The following INPP4B variants were observed in gnomAD, a reference collection of about 807,000 sequenced individuals.
INPP4B encodes the protein inositol polyphosphate 4-phosphatase type II.
In INPP4B, 55 loss-of-function variants were observed where a neutral mutation model predicts 122.5. The observed-to-expected ratio is 0.45, with a 90% confidence interval of 0.36 to 0.56. The LOEUF (loss-of-function observed/expected upper bound fraction) is 0.56. Ranked by LOEUF, INPP4B falls within the 20% of genes least tolerant of loss-of-function variation. The pLI is 0.00. For missense variants in INPP4B, 1,000 were observed against 1,097.7 expected (o/e 0.91, Z 1.26); for synonymous variants, 403 against 388.7 (o/e 1.04, Z -0.43).
In INPP4B at chr4:142,493,562, T is replaced by C. The variant is rs144391423; in HGVS notation, c.-190-30836A>G. Among the ~76,000 whole-genome samples the C allele has an allele frequency of 2.4e-3, 373 of 152,292 alleles. 1 individual carries two copies. The highest frequency in any genetic ancestry group is 5.6e-3 in the South Asian group (27 of 4,828). The stretch of plus-strand genomic sequence containing the variant: ...ATCAAAGGAGATCATTTTGGAACTT[T>C]AAAGTTTAATGACTACCCTATTGGA... On this transcript the variant is annotated intron_variant, in intron 2 of 25. Coordinates refer to ENST00000262992, the MANE Select transcript of INPP4B (RefSeq NM_001101669.3).
intron 2 of INPP4B, among the ~76,000 whole-genome samples, chr4:142,648,075 C>A (rs1415206628): frequency 6.6e-6 from 1 of 152,236 alleles, no homozygotes; most frequent in African/African-American, 2.4e-5. Context: ...GAACTCACTG[C>A]TTCTCTTCAC....
At chr4:142,419,958 G>A (rs1355063359) in intron 5 of INPP4B, among the ~76,000 whole-genome samples, 1 of 151,996 alleles carries the variant, frequency 6.6e-6, no homozygotes, top group Non-Finnish European at 1.5e-5. Flanking sequence ...TTACCCCTAA[G>A]TAGCAACAGA....
At chr4:142,709,568 C>G (rs1009490892) in intron 2 of INPP4B, among the ~76,000 whole-genome samples, 1 of 152,026 alleles carries the variant, frequency 6.6e-6, no homozygotes, top group Non-Finnish European at 1.5e-5. Context: ...CTATGTAGCA[C>G]CTCCCCTTCA....
At chr4:142,234,302 T>C (rs751828144) in intron 12 of INPP4B, among the ~76,000 whole-genome samples, 2 of 152,202 alleles carry the variant, frequency 1.3e-5, no homozygotes, top group African/African-American at 2.4e-5. Context: ...ATTACAGACA[T>C]GATTTCTTAG....
At position 142,355,346 on chromosome 4, in the gene INPP4B, G is replaced by A. The variant is rs184099770; in HGVS notation, c.373-40584C>T. 2.0e-4 allele frequency among the ~76,000 whole-genome samples: 31 copies of A among 152,088 alleles called. No individual in the cohort carries two copies. In the East Asian group the frequency reaches 5.8e-3, roughly 29 times the overall value. On this transcript the variant is annotated intron_variant, in intron 7 of 25. Transcript: ENST00000262992. ...ACAGAGAGAAATCAGGAAGTTGAAT[G>A]AGATGCAGATTTGCTCTTTTTTTTC...
intron 2 of INPP4B, among the ~76,000 whole-genome samples, chr4:142,526,302 A>C (rs1459154579): frequency 1.3e-5 from 2 of 152,104 alleles, no homozygotes; most frequent in Non-Finnish European, 1.5e-5. Context: ...CAAAGAGTAG[A>C]GCAGTAGCCA....
intron 15 of INPP4B, among the ~76,000 whole-genome samples, chr4:142,188,518 A>AAAATATATAT (rs1834267141): frequency 9.5e-6 from 1 of 105,096 alleles, no homozygotes; most frequent in Non-Finnish European, 1.9e-5. Context: ...AAAGAAAAAA[A>AAAATATATAT]ATATATATAG....
intron 5 of INPP4B, among the ~76,000 whole-genome samples, chr4:142,420,761 T>A (rs936812949): frequency 1.3e-5 from 2 of 152,106 alleles, no homozygotes; most frequent in Non-Finnish European, 2.9e-5. Context: ...GAGGCAACTG[T>A]TGAGCCTGTA....
chr4:142,174,496 T>C (rs987614225), intron 15 of INPP4B, among the ~76,000 whole-genome samples: 12 of 152,140 alleles, frequency 7.9e-5, no homozygotes, highest in Non-Finnish European at 1.6e-4. Flanking sequence ...ACAAATTTAT[T>C]GGACAGAAAA....
At chr4:142,798,799 T>C (rs1392062475) in intron 1 of INPP4B, among the ~76,000 whole-genome samples, 1 of 151,698 alleles carries the variant, frequency 6.6e-6, no homozygotes, top group Non-Finnish European at 1.5e-5. Context: ...ATTTAAAGTA[T>C]ATATAAGTAC....
chr4:142,355,475 C>A (rs1040841200), intron 7 of INPP4B, among the ~76,000 whole-genome samples: 19 of 151,982 alleles, frequency 1.3e-4, no homozygotes, highest in Non-Finnish European at 1.2e-4. Context: ...CAAACCCATG[C>A]CAATGCTATG....
chr4:142,750,042 A>G (rs1265697033), intron 1 of INPP4B, among the ~76,000 whole-genome samples: 1 of 152,038 alleles, frequency 6.6e-6, no homozygotes, highest in East Asian at 1.9e-4. Flanking sequence ...TTTAATATAA[A>G]AAAAGTATTT....
intron 1 of INPP4B, among the ~76,000 whole-genome samples, chr4:142,834,305 T>C (rs1432127742): frequency 6.6e-6 from 1 of 152,204 alleles, no homozygotes. Flanking sequence ...TTATTATTCG[T>C]AGGATGTTCA....
chr4:142,444,359 G>C (rs902225330), intron 3 of INPP4B, among the ~76,000 whole-genome samples: 1 of 152,028 alleles, frequency 6.6e-6, no homozygotes, highest in East Asian at 1.9e-4. Flanking sequence ...GATATGAACA[G>C]AGACTTCTCA....
chr4:142,655,967 C>A (rs1043601096), intron 2 of INPP4B, among the ~76,000 whole-genome samples: 4 of 152,136 alleles, frequency 2.6e-5, no homozygotes, highest in African/African-American at 7.2e-5. Flanking sequence ...TTCTGAAATA[C>A]AACATACAGG....
intron 15 of INPP4B, among the ~76,000 whole-genome samples, chr4:142,181,532 C>T (rs868734571): frequency 6.6e-6 from 1 of 152,188 alleles, no homozygotes. Context: ...TTCTTTCAGG[C>T]ACATTGTTTA....
intron 2 of INPP4B, among the ~76,000 whole-genome samples, chr4:142,544,414 G>A (rs944265158): frequency 6.6e-6 from 1 of 151,970 alleles, no homozygotes; most frequent in African/African-American, 2.4e-5. Context: ...CACCCTGAAG[G>A]GCCTACAGAC....
chr4:142,819,665 G>A (rs1396460614), intron 1 of INPP4B, among the ~76,000 whole-genome samples: 1 of 152,042 alleles, frequency 6.6e-6, no homozygotes, highest in Admixed American at 6.6e-5. Context: ...GTAGTAAGTT[G>A]GTAAAACCAA....
At position 142,122,198 on chromosome 4, in the gene INPP4B, A is replaced by C. The variant is rs577840227; in HGVS notation, c.2065T>G (p.Leu689Val). 1 of 1,612,058 alleles carries C rather than the reference A, an allele frequency of 6.2e-7. No homozygotes were observed. ...LEDMAVGISD[L>V]KKVAFKIIEA... Reference sequence around the variant, plus strand: ...ATTATTTTAAATGCAACTTTCTTTAAATCGGAAATGCCAACGGCCATGTCC... The same window carrying C: ...ATTATTTTAAATGCAACTTTCTTTACATCGGAAATGCCAACGGCCATGTCC... The change falls in exon 21 of 26, where the codon TTA (leucine) becomes GTA (valine). Residue 689 changes from leucine (L) to valine (V), a missense_variant. Leu to Val is a conservative substitution (Grantham distance 32, BLOSUM62 1). Coordinates refer to ENST00000262992, the MANE Select transcript of INPP4B (RefSeq NM_001101669.3).
Sources: gnomAD v4.1 joint callset for allele counts (sites outside exome capture counted in the v4.1 genomes callset) on GRCh38, gnomAD v4.1.1 for gene constraint, MANE v1.5 for transcripts, NCBI Gene and HGNC (gene_info 2026-07-23, HGNC 2026-07-21) for gene names.